CCDC191: variants seen among roughly 807,000 people sequenced by gnomAD.
CCDC191 encodes the protein coiled-coil domain containing 191.
CCDC191 carries 99 observed loss-of-function variants against 114.0 expected under a neutral mutation model. The observed-to-expected ratio is 0.87, with a 90% CI of 0.74 to 1.03. The LOEUF (loss-of-function observed/expected upper bound fraction) is 1.03. CCDC191 is among the 50% of genes least tolerant of loss of function. The pLI, the probability that CCDC191 is intolerant of heterozygous loss-of-function variation, is 0.00. For missense variants in CCDC191, 973 were observed against 1,087.0 expected, an observed-to-expected ratio of 0.90 and a Z score of 1.47; for synonymous variants, 351 against 376.0, an observed-to-expected ratio of 0.93 and a Z score of 0.77.
At chr3:113,991,268 C>T (rs529004540) in intron 13 of CCDC191, among the ~76,000 whole-genome samples, 46 of 141,482 alleles carry the variant, frequency 3.3e-4, no homozygotes, top group Admixed American at 2.1e-3. Flanking sequence ...ACCCCCCCCC[C>T]CAAAAACCAA....
chr3:114,029,808 A>AC (rs961024372), intron 7 of CCDC191, among the ~76,000 whole-genome samples: 14 of 149,454 alleles, frequency 9.4e-5, no homozygotes, highest in African/African-American at 3.3e-4. Flanking sequence ...CATAAAAAAA[A>AC]CCAAAACGAG....
At chr3:114,047,149 A>C in intron 2 of CCDC191, 1 of 980,126 alleles carries the variant, frequency 1.0e-6, no homozygotes, top group Non-Finnish European at 1.2e-6. Context: ...TCAGCAAATT[A>C]GTACTCCTGA....
chr3:113,973,027 T>C (rs1046687394), intron 16 of CCDC191, among the ~76,000 whole-genome samples: 2 of 152,188 alleles, frequency 1.3e-5, no homozygotes, highest in Admixed American at 6.5e-5. Context: ...TGTCTTTTAA[T>C]TGGAGAACTG....
chr3:114,021,656 C>T (rs2076245947), intron 7 of CCDC191, among the ~76,000 whole-genome samples: 1 of 152,060 alleles, frequency 6.6e-6, no homozygotes, highest in African/African-American at 2.4e-5. Context: ...CAGACCTGAA[C>T]TATTTATTCT....
In CCDC191 at chr3:114,010,793, A is replaced by C. The variant is rs1441478835; in HGVS notation, c.1392T>G (p.Gly464=). 1 of 1,611,580 alleles carries C rather than the reference A, an allele frequency of 6.2e-7. No individual in the cohort carries two copies. Among genetic ancestry groups the C allele is most frequent in the East Asian group, 2.2e-5 (1 of 44,840 alleles). The change falls in exon 9 of 17, where the codon GGT becomes GGG. Residue 464 remains glycine (G), a synonymous_variant. Transcript: ENST00000295878. ...GTACCTGTCCATTTTTTACTGGTGG[A>C]CCCACCATGGCTGTTGCCTCCTCAG... ...SLPEEATAMV[G]PPVKNGQETA... is the part of the protein sequence containing the mutation.
rs957867792 is a variant in CCDC191 at position 113,964,219 on chromosome 3, C to T, written c.*936G>A. The T allele has an allele frequency of 8.5e-5, 13 of 152,302 alleles. No homozygotes were observed. The highest frequency in any genetic ancestry group is 8.5e-4 in the Admixed American group (13 of 15,304). The allele number at this position is 152,302 out of a possible 1,614,324, so 9.4% of individuals were successfully genotyped here. ...TAAGAGTAATCATCTCAGGACTGCA[C>T]AGGACTTTCTCATTTTACCATATGC... On this transcript the variant is annotated 3_prime_UTR_variant, in exon 17 of 17. Transcript: ENST00000295878.
At chr3:114,009,641 G>A (rs1034555191) in intron 9 of CCDC191, among the ~76,000 whole-genome samples, 18 of 152,054 alleles carry the variant, frequency 1.2e-4, no homozygotes, top group African/African-American at 4.3e-4. Context: ...GTGCACAAGT[G>A]TATATTCAAT....
At position 114,056,418 on chromosome 3, in the gene CCDC191, G is replaced by A. The variant is rs765455852; in HGVS notation, c.49C>T (p.Leu17=). The part of the protein sequence containing the change: ...GRSFSKKRMG[L]NRWKRFTRKP... ...CTTGTGAACCGTTTCCAGCGATTCA[G>A]CCCCATCCTTTTCTTTGAGAAGGAC... The change falls in exon 1 of 17, where the codon CTG becomes TTG. Residue 17 remains leucine, a synonymous_variant. Transcript: ENST00000295878. 2 of 1,614,154 alleles carry A rather than the reference G, an allele frequency of 1.2e-6. No individual in the cohort carries two copies. Among genetic ancestry groups the A allele is most frequent in the South Asian group, 1.1e-5 (1 of 91,086 alleles).
intron 10 of CCDC191, among the ~76,000 whole-genome samples, chr3:114,005,169 G>A (rs2075928617): frequency 6.6e-6 from 1 of 152,222 alleles, no homozygotes; most frequent in Non-Finnish European, 1.5e-5. Context: ...GCTGCTCCAT[G>A]TGGACCTGAT....
At chr3:114,041,109 TA>T (rs1180097837) in intron 4 of CCDC191, among the ~76,000 whole-genome samples, 3 of 151,800 alleles carry the variant, frequency 2.0e-5, no homozygotes, top group Non-Finnish European at 4.4e-5. Flanking sequence ...TAAAGGGATA[TA>T]ATTAGATCTA....
At chr3:114,039,070 A>G (rs1287511168) in intron 4 of CCDC191, among the ~76,000 whole-genome samples, 1 of 152,184 alleles carries the variant, frequency 6.6e-6, no homozygotes, top group Non-Finnish European at 1.5e-5. Context: ...AAAAAATCTT[A>G]AGAATACTAT....
intron 4 of CCDC191, among the ~76,000 whole-genome samples, chr3:114,042,378 T>C (rs924808478): frequency 6.6e-6 from 1 of 152,180 alleles, no homozygotes; most frequent in Non-Finnish European, 1.5e-5. Context: ...CTAGAGATGA[T>C]TTAAAGTATG....
chr3:114,004,153 C>T, intron 11 of CCDC191: 1 of 954,618 alleles, frequency 1.0e-6, no homozygotes, highest in Non-Finnish European at 1.2e-6. Flanking sequence ...ATCAAATTAA[C>T]ATATCTGGTT....
intron 13 of CCDC191, among the ~76,000 whole-genome samples, chr3:113,986,659 C>G (rs1174180017): frequency 6.6e-6 from 1 of 152,164 alleles, no homozygotes; most frequent in Non-Finnish European, 1.5e-5. Flanking sequence ...GCCCTAACCC[C>G]TAGTGTGGCT....
At chr3:113,985,133 C>T (rs889722443) in intron 13 of CCDC191, among the ~76,000 whole-genome samples, 1 of 152,100 alleles carries the variant, frequency 6.6e-6, no homozygotes, top group African/African-American at 2.4e-5. Context: ...TGCTTCTCAT[C>T]CCTTTGAAGG....
chr3:114,049,049 G>A (rs899226502), intron 2 of CCDC191, among the ~76,000 whole-genome samples: 13 of 152,148 alleles, frequency 8.5e-5, no homozygotes, highest in African/African-American at 2.9e-4. Flanking sequence ...ATTCTTGTGC[G>A]TTTCATACAT....
chr3:114,004,095 C>T, intron 11 of CCDC191: 22 of 939,416 alleles, frequency 2.3e-5, no homozygotes, highest in Non-Finnish European at 2.8e-5. Flanking sequence ...ACAGGAAGAC[C>T]CTGCCTGTAC....
At chr3:114,007,866 T>A (rs919620038) in intron 9 of CCDC191, among the ~76,000 whole-genome samples, 3 of 151,926 alleles carry the variant, frequency 2.0e-5, no homozygotes, top group African/African-American at 7.2e-5. Context: ...CATGTTTTGC[T>A]GTACACGCTG....
At chr3:114,036,575 G>C in intron 5 of CCDC191, 33 bp downstream of exon 5, 1 of 1,488,700 alleles carries the variant, frequency 6.7e-7, no homozygotes, top group Non-Finnish European at 9.1e-7. Context: ...ACTGCTTCCT[G>C]TTATCCATTT....
Sources: gnomAD v4.1 joint callset for allele counts (sites outside exome capture counted in the v4.1 genomes callset) on GRCh38, gnomAD v4.1.1 for gene constraint, MANE v1.5 for transcripts, NCBI Gene and HGNC (gene_info 2026-07-23, HGNC 2026-07-21) for gene names.